Variants in NYAP2 observed in about 807,000 individuals in gnomAD.
The protein encoded by NYAP2 is neuronal tyrosine-phosphorylated phosphoinositide-3-kinase adapter 2.
NYAP2 carries 23 observed loss-of-function variants against 50.4 expected under a neutral mutation model. That is an observed-to-expected ratio of 0.46 (90% CI 0.33 to 0.65). The LOEUF is 0.65. Ranked by LOEUF, NYAP2 falls within the 30% of genes least tolerant of loss-of-function variation. NYAP2 has a pLI of 0.02. For missense variants in NYAP2, 885 were observed against 861.0 expected (o/e 1.03, Z -0.35); for synonymous variants, 394 against 365.2 (o/e 1.08, Z -0.90).
intron 4 of NYAP2, among the ~76,000 whole-genome samples, chr2:225,567,720 A>G (rs1326012530): frequency 6.6e-6 from 1 of 152,096 alleles, no homozygotes; most frequent in Non-Finnish European, 1.5e-5. Flanking sequence ...GTAGGATGGT[A>G]CAAGAACAGG....
At chr2:225,470,094 C>A (rs1689988682) in intron 3 of NYAP2, among the ~76,000 whole-genome samples, 1 of 152,196 alleles carries the variant, frequency 6.6e-6, no homozygotes, top group African/African-American at 2.4e-5. Context: ...TTTCATCTGT[C>A]TTATCTATTA....
At chr2:225,690,265 A>G in the NYAP2 span, among the ~76,000 whole-genome samples, 1 of 152,232 alleles carries the variant, frequency 6.6e-6, no homozygotes, top group Non-Finnish European at 1.5e-5. Flanking sequence ...AAATATGCTC[A>G]TTAAAAATAT....
chr2:225,463,364 G>A (rs1689864352), intron 3 of NYAP2, among the ~76,000 whole-genome samples: 1 of 152,252 alleles, frequency 6.6e-6, no homozygotes, highest in Non-Finnish European at 1.5e-5. Flanking sequence ...TTGAATAGGT[G>A]ATCAGTCAAT....
intron 6 of NYAP2, among the ~76,000 whole-genome samples, chr2:225,645,377 A>G (rs1693614532): frequency 6.6e-6 from 1 of 152,148 alleles, no homozygotes; most frequent in Admixed American, 6.5e-5. Flanking sequence ...TTGTTTACTC[A>G]AAGGAGTTAA....
chr2:225,695,540 T>A, the NYAP2 span, among the ~76,000 whole-genome samples: 6 of 151,792 alleles, frequency 4.0e-5, no homozygotes, highest in African/African-American at 1.4e-4. Context: ...AAACTTCTAT[T>A]GAAAGCCTAG....
At chr2:225,573,035 A>T (rs1473959741) in intron 4 of NYAP2, among the ~76,000 whole-genome samples, 1 of 152,118 alleles carries the variant, frequency 6.6e-6, no homozygotes, top group East Asian at 1.9e-4. Context: ...ACTCAAAGGA[A>T]AGCTTACTTT....
chr2:225,579,355 C>T (rs1036680538), intron 4 of NYAP2, among the ~76,000 whole-genome samples: 4 of 152,116 alleles, frequency 2.6e-5, no homozygotes, highest in African/African-American at 7.2e-5. Flanking sequence ...TTTTGTTTCC[C>T]GTGTCATACA....
chr2:225,536,551 A>G (rs1341552832), intron 4 of NYAP2, among the ~76,000 whole-genome samples: 1 of 151,896 alleles, frequency 6.6e-6, no homozygotes, highest in Non-Finnish European at 1.5e-5. Context: ...TCATTTTTTG[A>G]GTATATAGTA....
intron 3 of NYAP2, among the ~76,000 whole-genome samples, chr2:225,439,781 A>G (rs1340337108): frequency 6.6e-6 from 1 of 152,178 alleles, no homozygotes; most frequent in Non-Finnish European, 1.5e-5. Flanking sequence ...AATACCTGAG[A>G]TTGGGTAATT....
chr2:225,520,803 T>C (rs1333524402), intron 4 of NYAP2, among the ~76,000 whole-genome samples: 1 of 152,234 alleles, frequency 6.6e-6, no homozygotes, highest in Non-Finnish European at 1.5e-5. Context: ...TTTCCAATTC[T>C]GTGAAGAAAG....
chr2:225,657,795 T>C (rs1339228695), downstream of NYAP2, among the ~76,000 whole-genome samples: 3 of 152,096 alleles, frequency 2.0e-5, no homozygotes, highest in Non-Finnish European at 4.4e-5. Context: ...CCTGATCAGT[T>C]GGATACATTG....
intron 3 of NYAP2, among the ~76,000 whole-genome samples, chr2:225,444,043 T>A (rs1046093046): frequency 2.0e-5 from 3 of 152,188 alleles, no homozygotes; most frequent in Non-Finnish European, 2.9e-5. Context: ...TTCCATATGG[T>A]GTGAGTTAAA....
chr2:225,675,700 G>A, the NYAP2 span, among the ~76,000 whole-genome samples: 1 of 152,094 alleles, frequency 6.6e-6, no homozygotes, highest in Non-Finnish European at 1.5e-5. Context: ...CCTATTATAA[G>A]TTCTTTGAGA....
At chr2:225,595,388 T>C (rs1161186005) in intron 5 of NYAP2, among the ~76,000 whole-genome samples, 3 of 152,170 alleles carry the variant, frequency 2.0e-5, no homozygotes, top group African/African-American at 7.2e-5. Context: ...TAGTTGTTAG[T>C]AGCCTGCAAC....
intron 4 of NYAP2, among the ~76,000 whole-genome samples, chr2:225,567,807 G>A (rs1482345310): frequency 1.3e-5 from 2 of 152,128 alleles, no homozygotes; most frequent in Non-Finnish European, 2.9e-5. Flanking sequence ...TTTGGCCAGA[G>A]TGAAGGGCAT....
At chr2:225,641,263 G>A (rs984052481) in intron 6 of NYAP2, among the ~76,000 whole-genome samples, 18 of 152,066 alleles carry the variant, frequency 1.2e-4, no homozygotes, top group South Asian at 2.1e-4. Flanking sequence ...CTGTTTCTGC[G>A]AAAAGCCACA....
intron 3 of NYAP2, among the ~76,000 whole-genome samples, chr2:225,439,802 T>C (rs1224962017): frequency 6.6e-6 from 1 of 152,210 alleles, no homozygotes; most frequent in East Asian, 1.9e-4. Flanking sequence ...TATTTTTATT[T>C]TTATTTTTTT....
intron 3 of NYAP2, among the ~76,000 whole-genome samples, chr2:225,504,023 A>G (rs1690656145): frequency 6.6e-6 from 1 of 152,198 alleles, no homozygotes; most frequent in Admixed American, 6.5e-5. Flanking sequence ...AAAAATGGCT[A>G]TTTGATGACT....
chr2:225,625,256 C>G (rs914392290), intron 5 of NYAP2, among the ~76,000 whole-genome samples: 2 of 151,874 alleles, frequency 1.3e-5, no homozygotes, highest in Non-Finnish European at 2.9e-5. Context: ...GTTATATTTC[C>G]TACATAGATT....
Sources: allele counts gnomAD v4.1 joint callset (sites outside exome capture counted in the v4.1 genomes callset), GRCh38; gene constraint gnomAD v4.1.1; transcripts MANE v1.5; gene names NCBI Gene and HGNC (gene_info 2026-07-23, HGNC 2026-07-21).